ITGB5: variants seen among roughly 807,000 people sequenced by gnomAD.
ITGB5 encodes integrin beta-5.
ITGB5 carries 38 observed loss-of-function variants against 84.8 expected under a neutral mutation model. The ratio of observed to expected loss-of-function variants is 0.45; its 90% CI spans 0.35 to 0.59. The LOEUF is 0.59. Ranked by LOEUF, ITGB5 falls within the 20% of genes least tolerant of loss-of-function variation. The pLI, the probability that ITGB5 is intolerant of heterozygous loss-of-function variation, is 0.01. For synonymous variants in ITGB5, 393 were observed against 414.4 expected (o/e 0.95, Z 0.63); for missense variants, 905 against 1,034.5 (o/e 0.87, Z 1.72).
At chr3:124,838,693 C>T (rs929377309) in intron 5 of ITGB5, among the ~76,000 whole-genome samples, 10 of 152,218 alleles carry the variant, frequency 6.6e-5, no homozygotes, top group African/African-American at 1.7e-4. Flanking sequence ...GCTCCGCCTC[C>T]GGGGTTCACA....
chr3:124,848,478 G>A lies in ITGB5; in HGVS notation c.442C>T (p.Leu148=). 1 of 1,614,158 alleles carries A rather than the reference G, an allele frequency of 6.2e-7. No homozygotes were observed. Residue 148 remains leucine (L), a synonymous_variant, in exon 4 of 15, where the codon CTG becomes TTG. Coordinates refer to ENST00000296181, the MANE Select transcript of ITGB5 (RefSeq NM_002213.5). ...TTGTCCAAGTCATCCTTCATGGACA[G>A]GGAGAGGTCCATCAGGTAGTACAGG... ...VDLYYLMDLS[L]SMKDDLDNIR... is the part of the protein sequence containing the mutation.
At chr3:124,850,712 A>C (rs978774049) in intron 3 of ITGB5, among the ~76,000 whole-genome samples, 9 of 24,770 alleles carry the variant, frequency 3.6e-4, no homozygotes, top group Admixed American at 1.5e-3. Context: ...TTAAAAAAAC[A>C]AAAAAAAAAA....
At chr3:124,877,272 C>A in intron 1 of ITGB5, among the ~76,000 whole-genome samples, 1 of 151,924 alleles carries the variant, frequency 6.6e-6, no homozygotes, top group East Asian at 1.9e-4. Context: ...AGCTACCACA[C>A]CTGGCTCACT....
intron 1 of ITGB5, among the ~76,000 whole-genome samples, chr3:124,877,260 T>A (rs114198964): frequency 0.013 from 1,955 of 151,662 alleles, 57 homozygotes; most frequent in African/African-American, 0.043. Context: ...ATTACAGGCG[T>A]GAGCTACCAC....
At chr3:124,800,520 A>C (rs2064299637) in intron 9 of ITGB5, among the ~76,000 whole-genome samples, 1 of 152,010 alleles carries the variant, frequency 6.6e-6, no homozygotes, top group Admixed American at 6.6e-5. Flanking sequence ...CCCAGCTTTC[A>C]AGCAGGTCCT....
At chr3:124,844,205 CAAAAAAAAAA>C (rs58956636) in intron 4 of ITGB5, among the ~76,000 whole-genome samples, 4 of 85,914 alleles carry the variant, frequency 4.7e-5, no homozygotes, top group African/African-American at 8.9e-5. Context: ...TTGGTTTTGG[CAAAAAAAAAA>C]AAAAAAAAAA....
At chr3:124,812,361 C>T (rs1274435356) in intron 8 of ITGB5, among the ~76,000 whole-genome samples, 1 of 152,172 alleles carries the variant, frequency 6.6e-6, no homozygotes, top group African/African-American at 2.4e-5. Context: ...CAGGTTAGGT[C>T]ACATCTGCAA....
At chr3:124,816,354 GA>G (rs1169117297) in intron 8 of ITGB5, among the ~76,000 whole-genome samples, 1 of 152,242 alleles carries the variant, frequency 6.6e-6, no homozygotes, top group Non-Finnish European at 1.5e-5. Context: ...TCACTGCTGG[GA>G]AGGCAAGATG....
chr3:124,835,828 C>G (rs2064927498), intron 5 of ITGB5, among the ~76,000 whole-genome samples: 1 of 152,168 alleles, frequency 6.6e-6, no homozygotes, highest in African/African-American at 2.4e-5. Flanking sequence ...TGGGAGGGAG[C>G]AAGAGGAAAC....
intron 4 of ITGB5, among the ~76,000 whole-genome samples, chr3:124,844,228 A>T (rs10934692): frequency 7.7e-6 from 1 of 130,716 alleles, no homozygotes; most frequent in Non-Finnish European, 1.6e-5. Flanking sequence ...AAAAAAAAAA[A>T]AAAAGAAAAC....
At chr3:124,840,325 TCA>T in intron 5 of ITGB5, among the ~76,000 whole-genome samples, 1 of 152,268 alleles carries the variant, frequency 6.6e-6, no homozygotes, top group Non-Finnish European at 1.5e-5. Context: ...TACCAATTAT[TCA>T]CACTCTATTG....
intron 1 of ITGB5, among the ~76,000 whole-genome samples, chr3:124,895,498 TTACA>T (rs1935084461): frequency 6.6e-6 from 1 of 152,228 alleles, no homozygotes; most frequent in East Asian, 1.9e-4. Flanking sequence ...AGTGCTGGGA[TTACA>T]GGCATGAACC....
intron 10 of ITGB5, among the ~76,000 whole-genome samples, chr3:124,795,316 C>T (rs1020373736): frequency 6.6e-6 from 1 of 151,986 alleles, no homozygotes; most frequent in African/African-American, 2.4e-5. Flanking sequence ...TGGTGAAACC[C>T]CGTCTCTACT....
intron 13 of ITGB5, among the ~76,000 whole-genome samples, chr3:124,765,068 G>A (rs887544884): frequency 3.3e-5 from 5 of 152,192 alleles, no homozygotes; most frequent in East Asian, 3.8e-4. Context: ...TCTTACAGGC[G>A]TGCATCCTAG....
chr3:124,808,641 A>T (rs942540952), intron 9 of ITGB5, among the ~76,000 whole-genome samples: 1 of 152,232 alleles, frequency 6.6e-6, no homozygotes, highest in South Asian at 2.1e-4. Context: ...GGGTCAGATT[A>T]TCCAAGGAAC....
chr3:124,896,990 A>G (rs953409175), intron 1 of ITGB5, among the ~76,000 whole-genome samples: 41 of 152,124 alleles, frequency 2.7e-4, no homozygotes, highest in African/African-American at 9.4e-4. Context: ...ATCAAAGTAT[A>G]CTGAAGTAGA....
rs115539564 is a variant in ITGB5, at chr3:124,793,751, C to T, written c.1693+2637G>A. On this transcript the variant is annotated intron_variant, in intron 10 of 14. Coordinates refer to ENST00000296181, the MANE Select transcript of ITGB5 (RefSeq NM_002213.5). ...GACAGAACCATCTAGCTAACACCAA[C>T]CTATCATCACTCTGCTGAGGAAAGC... Among the ~76,000 whole-genome samples, 656 of 152,376 alleles carry T rather than the reference C, an allele frequency of 4.3e-3. 7 individuals are homozygous for T. Among genetic ancestry groups the T allele is most frequent in the African/African-American group, 0.015 (609 of 41,588 alleles).
intron 10 of ITGB5, among the ~76,000 whole-genome samples, chr3:124,795,542 T>C (rs2064210333): frequency 6.6e-6 from 1 of 151,254 alleles, no homozygotes; most frequent in Admixed American, 6.6e-5. Flanking sequence ...CCCAGAGATG[T>C]CCACATCCTA....
chr3:124,896,188 A>G (rs567554652), intron 1 of ITGB5, among the ~76,000 whole-genome samples: 5 of 152,340 alleles, frequency 3.3e-5, no homozygotes, highest in African/African-American at 1.2e-4. Context: ...AGGCTGTCCC[A>G]AGAGGCCTCC....
Sources: gnomAD v4.1 joint callset for allele counts (sites outside exome capture counted in the v4.1 genomes callset) on GRCh38, gnomAD v4.1.1 for gene constraint, MANE v1.5 for transcripts, NCBI Gene and HGNC (gene_info 2026-07-23, HGNC 2026-07-21) for gene names.